BMP5: variants seen among roughly 807,000 people sequenced by gnomAD.
BMP5 encodes bone morphogenetic protein 5.
BMP5 carries 23 observed loss-of-function variants against 46.6 expected under a neutral mutation model. The observed-to-expected ratio is 0.49, with a 90% CI of 0.35 to 0.70. The LOEUF is 0.70. BMP5 is among the 30% of genes least tolerant of loss of function. BMP5 has a pLI of 0.00. For synonymous variants in BMP5, 204 were observed against 191.9 expected, an observed-to-expected ratio of 1.06 and a Z score of -0.52; for missense variants, 545 against 565.6, an observed-to-expected ratio of 0.96 and a Z score of 0.37.
intron 2 of BMP5, among the ~76,000 whole-genome samples, chr6:55,802,167 A>T (rs1451783905): frequency 1.3e-5 from 2 of 152,190 alleles, no homozygotes; most frequent in East Asian, 3.8e-4. Context: ...GACTCCCAAG[A>T]CATTGGGCTA....
At chr6:55,800,965 A>C (rs990345633) in intron 2 of BMP5, among the ~76,000 whole-genome samples, 106 of 152,318 alleles carry the variant, frequency 7.0e-4, no homozygotes, top group African/African-American at 2.5e-3. Context: ...TGGACCACTG[A>C]AAGGTTGATC....
Position 55,759,085 on chromosome 6 carries a change from C to T in BMP5, c.1135G>A (p.Ala379Thr). The change falls in exon 6 of 7, where the codon GCA (alanine) becomes ACA (threonine). Residue 379 changes from alanine (A) to threonine (T), a missense_variant. Physicochemically the swap from Ala to Thr is moderately conservative, Grantham distance 58. Coordinates refer to ENST00000370830, the MANE Select transcript of BMP5 (RefSeq NM_021073.4). Reference protein sequence around the residue: ...DWIIAPEGYAAFYCDGECSFP... With the variant: ...DWIIAPEGYATFYCDGECSFP... ...GAACATTCTCCATCACAATAAAATG[C>T]AGCGTATCCTTCTGGTGCTATAATC... is the stretch of plus-strand genomic sequence containing the variant. 7.4e-7 allele frequency: 1 copy of T among 1,358,508 alleles called. No individual in the cohort carries two copies. Among genetic ancestry groups the T allele is most frequent in the Non-Finnish European group, 9.7e-7 (1 of 1,032,850 alleles). 84.2% of individuals were successfully genotyped at this position (1,358,508 alleles called of 1,614,324 possible).
chr6:55,850,483 G>T (rs1342926646), intron 1 of BMP5, among the ~76,000 whole-genome samples: 2 of 151,878 alleles, frequency 1.3e-5, no homozygotes, highest in African/African-American at 2.4e-5. Flanking sequence ...AGGGATGCTG[G>T]GCCCCAGTGA....
intron 5 of BMP5, among the ~76,000 whole-genome samples, 170 bp downstream of exon 5, chr6:55,760,286 AT>A (rs1221249852): frequency 6.6e-6 from 1 of 151,958 alleles, no homozygotes; most frequent in African/African-American, 2.4e-5. Context: ...TCATGTTTCA[AT>A]GGTAAAAGGT....
chr6:55,865,565 G>C (rs543083372), intron 1 of BMP5, among the ~76,000 whole-genome samples: 2 of 152,266 alleles, frequency 1.3e-5, no homozygotes, highest in African/African-American at 4.8e-5. Context: ...CAGCTGTCCA[G>C]CTTGAAGAAA....
chr6:55,797,719 C>A (rs1321493948), intron 2 of BMP5, among the ~76,000 whole-genome samples: 2 of 150,492 alleles, frequency 1.3e-5, no homozygotes, highest in Admixed American at 6.7e-5. Flanking sequence ...AGGGTTCGTG[C>A]CATTCTCCTG....
chr6:55,835,462 T>G (rs1776770810), intron 1 of BMP5, among the ~76,000 whole-genome samples: 3 of 152,200 alleles, frequency 2.0e-5, no homozygotes, highest in Admixed American at 2.0e-4. Flanking sequence ...CATACTAACT[T>G]GCAAATCAAC....
chr6:55,802,438 G>C (rs375483812), intron 2 of BMP5, among the ~76,000 whole-genome samples: 1 of 152,058 alleles, frequency 6.6e-6, no homozygotes, highest in Non-Finnish European at 1.5e-5. Flanking sequence ...ACACCACTTC[G>C]TACTCCCTTG....
chr6:55,873,642 T>C (rs2127557279), intron 1 of BMP5, among the ~76,000 whole-genome samples: 1 of 152,094 alleles, frequency 6.6e-6, no homozygotes, highest in South Asian at 2.1e-4. Flanking sequence ...TTAATATTGT[T>C]GTGGTTTACA....
At chr6:55,764,756 G>A (rs1261499905) in intron 4 of BMP5, among the ~76,000 whole-genome samples, 1 of 151,158 alleles carries the variant, frequency 6.6e-6, no homozygotes, top group Non-Finnish European at 1.5e-5. Context: ...GATAGGTAGA[G>A]AGTAGAATGG....
chr6:55,773,221 A>C (rs1426795547), intron 4 of BMP5, among the ~76,000 whole-genome samples: 1 of 151,956 alleles, frequency 6.6e-6, no homozygotes, highest in Non-Finnish European at 1.5e-5. Flanking sequence ...GTGATACTAC[A>C]TTGAGATGTT....
chr6:55,817,001 G>C (rs559920249), intron 2 of BMP5, among the ~76,000 whole-genome samples: 1 of 152,162 alleles, frequency 6.6e-6, no homozygotes, highest in South Asian at 2.1e-4. Context: ...TGAAAAAAAC[G>C]CTCATCATCA....
At chr6:55,759,501 G>A (rs1256012986) in intron 5 of BMP5, among the ~76,000 whole-genome samples, 1 of 151,798 alleles carries the variant, frequency 6.6e-6, no homozygotes, top group African/African-American at 2.4e-5. Flanking sequence ...ATGAACTCTG[G>A]AAAGTTCAAG....
At chr6:55,848,541 G>A (rs1777150854) in intron 1 of BMP5, among the ~76,000 whole-genome samples, 1 of 151,926 alleles carries the variant, frequency 6.6e-6, no homozygotes, top group Admixed American at 6.6e-5. Flanking sequence ...TATCTCATTT[G>A]CTGCTGTAAC....
intron 1 of BMP5, among the ~76,000 whole-genome samples, chr6:55,820,716 T>TGTTGGTTGGTTG (rs1261659985): frequency 1.4e-5 from 2 of 143,622 alleles, no homozygotes; most frequent in African/African-American, 5.6e-5. Context: ...CTCTGCCCCG[T>TGTTGGTTGGTTG]GTTGTTTGTT....
intron 4 of BMP5, among the ~76,000 whole-genome samples, chr6:55,767,512 G>T (rs1012848365): frequency 6.6e-6 from 1 of 151,918 alleles, no homozygotes; most frequent in Non-Finnish European, 1.5e-5. Context: ...TCTTGTGCAA[G>T]ATTATACAAC....
intron 2 of BMP5, among the ~76,000 whole-genome samples, chr6:55,805,196 G>T (rs958385213): frequency 1.3e-5 from 2 of 152,086 alleles, no homozygotes; most frequent in Non-Finnish European, 2.9e-5. Flanking sequence ...ATTGGTATCA[G>T]GTGCCAATAA....
chr6:55,815,717 T>C (rs1776245318), intron 2 of BMP5, among the ~76,000 whole-genome samples: 1 of 152,088 alleles, frequency 6.6e-6, no homozygotes, highest in Non-Finnish European at 1.5e-5. Flanking sequence ...TAAGGATAAT[T>C]AAAATTTCCC....
intron 4 of BMP5, 26 bp from the exon 5 acceptor site, chr6:55,760,559 T>A: frequency 1.3e-6 from 2 of 1,594,670 alleles, no homozygotes; most frequent in South Asian, 2.2e-5. Flanking sequence ...ACATTTTGAA[T>A]AAATGGTTGC....
Sources: allele counts gnomAD v4.1 joint callset (sites outside exome capture counted in the v4.1 genomes callset), GRCh38; gene constraint gnomAD v4.1.1; transcripts MANE v1.5; gene names NCBI Gene and HGNC (gene_info 2026-07-23, HGNC 2026-07-21).